DOT1L: variants seen among roughly 807,000 people sequenced by gnomAD.
DOT1L encodes the protein DOT1 like histone lysine methyltransferase, also known as histone-lysine N-methyltransferase, H3 lysine-79 specific.
DOT1L carries 33 observed loss-of-function variants against 153.3 expected under a neutral mutation model. That is an observed-to-expected ratio of 0.22 (90% CI 0.16 to 0.29). The LOEUF is 0.29. Ranked by LOEUF, DOT1L falls within the 10% of genes least tolerant of loss-of-function variation. The pLI, the probability that DOT1L is intolerant of heterozygous loss-of-function variation, is 1.00. For missense variants in DOT1L, 1,847 were observed against 2,119.9 expected, an observed-to-expected ratio of 0.87 and a Z score of 2.53; for synonymous variants, 1,135 against 965.1, an observed-to-expected ratio of 1.18 and a Z score of -3.26.
rs934922485 is a variant in DOT1L, at chr19:2,217,272, G to A, written c.2544+182G>A. ...CCAGTAAGGACAGGTCACAGGTGAC[G>A]TTGGGCAGGTGCCATGGAGGACATG... On this transcript the variant is annotated intron_variant, in intron 21 of 27. Transcript: ENST00000398665. This position sits in a 1 kb window ranked among gnomAD's most constrained non-coding sequence, Gnocchi z 7.3. 2.0e-5 allele frequency among the ~76,000 whole-genome samples: 3 copies of A among 152,204 alleles called. No homozygotes were observed. The highest frequency in any genetic ancestry group is 7.2e-5 in the African/African-American group (3 of 41,448).
intron 9 of DOT1L, among the ~76,000 whole-genome samples, chr19:2,206,076 C>G (rs1411118922): frequency 1.3e-5 from 2 of 151,844 alleles, no homozygotes; most frequent in Non-Finnish European, 2.9e-5. Flanking sequence ...GACTCACTTG[C>G]AGCTTCCACC....
intron 7 of DOT1L, among the ~76,000 whole-genome samples, chr19:2,196,388 A>G (rs967994856): frequency 6.6e-6 from 1 of 152,206 alleles, no homozygotes; most frequent in Non-Finnish European, 1.5e-5. Flanking sequence ...GCTGGAGGGC[A>G]GTGGCGCAAT....
rs375113331 is a variant in DOT1L at position 2,217,551 on chromosome 19, C to A, written c.2545-221C>A. Among the ~76,000 whole-genome samples, 53 of 152,194 alleles carry A rather than the reference C, an allele frequency of 3.5e-4. No homozygotes were observed. The Middle Eastern group carries it at 0.014, about 39-fold the overall frequency. ...AGCCGGGCGGGCAGGCTGGAGGGGA[C>A]AGATGGGCATTGCTTTCAGACACCA... On this transcript the variant is annotated intron_variant, in intron 21 of 27. Transcript: ENST00000398665. This position sits in a 1 kb window ranked among gnomAD's most constrained non-coding sequence, Gnocchi z 7.3.
chr19:2,222,935 G>A lies in DOT1L; in HGVS notation c.3391-346G>A, dbSNP rs962881743. 10 of 430,556 alleles carry A rather than the reference G, an allele frequency of 2.3e-5. No individual in the cohort carries two copies. The highest frequency in any genetic ancestry group is 4.1e-5 in the East Asian group (1 of 24,532). The allele number at this position is 430,556 out of a possible 1,614,324, so 26.7% of individuals were successfully genotyped here. A position where few individuals can be genotyped will look rare whatever the true frequency, so the allele number is the denominator to read the frequency against. On this transcript the variant is annotated intron_variant, in intron 24 of 27. Transcript: ENST00000398665. This position sits in a 1 kb window ranked among gnomAD's most constrained non-coding sequence, Gnocchi z 6.5. ...GAGGCAGGGGGCCATGACTGAGCCC[G>A]GCCATCCTCCACCACGTGCGGCCTG...
At chr19:2,167,488 G>A (rs1395074814) in intron 1 of DOT1L, among the ~76,000 whole-genome samples, 1 of 152,210 alleles carries the variant, frequency 6.6e-6, no homozygotes, top group African/African-American at 2.4e-5. Context: ...GTGGTGGGCG[G>A]GACTGTGCCG....
In DOT1L at chr19:2,217,054, GGCCTTGCA is replaced by G; in HGVS notation, c.2511_2518del (p.Leu838CysfsTer7). 1 of 1,611,010 alleles carries G rather than the reference GGCCTTGCA, an allele frequency of 6.2e-7. No individual in the cohort carries two copies. The highest frequency in any genetic ancestry group is 1.1e-5 in the South Asian group (1 of 91,010). On this transcript the variant is annotated frameshift_variant, in exon 21 of 28. Transcript: ENST00000398665. LOFTEE classifies it high-confidence loss of function. The surrounding 1 kb of genome is among the most constrained non-coding windows in gnomAD (Gnocchi z 7.3). ...AGGACCCGCGGCCCCTGTCCCCTGG[GGCCTTGCA>G]GCTTGCTGGAGAGAAGAGCAGTGAG...
In DOT1L at chr19:2,190,019, G is replaced by T. The variant is rs1262386568; in HGVS notation, c.264+224G>T. On this transcript the variant is annotated intron_variant, in intron 4 of 27. Transcript: ENST00000398665. The surrounding 1 kb of genome is among the most constrained non-coding windows in gnomAD (Gnocchi z 4.8). The stretch of plus-strand genomic sequence containing the variant: ...GCCAAAGCAGAGCCGTCCGTGGTTT[G>T]TGTGCTGAGGCAGGGCCCTGAGGGT... 1.3e-5 allele frequency among the ~76,000 whole-genome samples: 2 copies of T among 152,168 alleles called. No individual in the cohort carries two copies. Among genetic ancestry groups the T allele is most frequent in the South Asian group, 2.1e-4 (1 of 4,830 alleles).
intron 1 of DOT1L, among the ~76,000 whole-genome samples, chr19:2,166,247 C>G (rs1232011529): frequency 6.6e-6 from 1 of 151,248 alleles, no homozygotes; most frequent in East Asian, 1.9e-4. Context: ...CAGGCATGCG[C>G]CACCACACCC....
At position 2,232,202 on chromosome 19, in the gene DOT1L, G is replaced by C. The variant is rs2024630319; in HGVS notation, c.*2410G>C. ...GCGCCTGGGAGTGGCTCTTGCTCAG[G>C]AATTGATAGGAACCCTAAAAACTAG... On this transcript the variant is annotated 3_prime_UTR_variant, in exon 28 of 28. Coordinates refer to ENST00000398665, the MANE Select transcript of DOT1L (RefSeq NM_032482.3). 3 of 222,356 alleles carry C rather than the reference G, an allele frequency of 1.3e-5. No homozygotes were observed. Among genetic ancestry groups the C allele is most frequent in the Non-Finnish European group, 2.7e-5 (3 of 111,506 alleles). The allele number at this position is 222,356 out of a possible 1,614,324, so 13.8% of individuals were successfully genotyped here. A position where few individuals can be genotyped will look rare whatever the true frequency, so the allele number is the denominator to read the frequency against.
At chr19:2,187,921 CAG>C (rs1491246489) in intron 3 of DOT1L, among the ~76,000 whole-genome samples, 2 of 31,032 alleles carry the variant, frequency 6.4e-5, no homozygotes, top group Non-Finnish European at 1.3e-4. Flanking sequence ...GACTCCATCT[CAG>C]AAAAAAAAAA....
Position 2,226,458 on chromosome 19 carries a change from G to A in DOT1L, c.3937G>A (p.Ala1313Thr), listed in dbSNP as rs1168808555. 6 of 1,601,680 alleles carry A rather than the reference G, an allele frequency of 3.7e-6. No individual in the cohort carries two copies. The highest frequency in any genetic ancestry group is 5.1e-6 in the Non-Finnish European group (6 of 1,179,548). ...CGGACTCAGCCCGGGCACCAACCCT[G>A]CCAACGGCTGCACCTTCGGCGGGGG... ...ADGLSPGTNP[A>T]NGCTFGGGLA... The change falls in exon 27 of 28, where the codon GCC becomes ACC. Residue 1313 changes from alanine to threonine, a missense_variant. Transcript: ENST00000398665.
At position 2,197,750 on chromosome 19, in the gene DOT1L, C is replaced by T. The variant is rs989330894; in HGVS notation, c.652-2134C>T. 3.3e-5 allele frequency among the ~76,000 whole-genome samples: 5 copies of T among 152,136 alleles called. No homozygotes were observed. On this transcript the variant is annotated intron_variant, in intron 7 of 27. Transcript: ENST00000398665. The surrounding 1 kb of genome is among the most constrained non-coding windows in gnomAD (Gnocchi z 4.1). The stretch of plus-strand genomic sequence containing the variant: ...GGCATTCTTCGTGGCTTTGGCAACA[C>T]GTGTCAGAAAGAACCTGGTGGTGGG...
intron 8 of DOT1L, among the ~76,000 whole-genome samples, 192 bp downstream of exon 8, chr19:2,200,131 C>G (rs959747808): frequency 1.3e-5 from 2 of 152,094 alleles, no homozygotes; most frequent in African/African-American, 4.8e-5. Flanking sequence ...GCAGACGTGC[C>G]CAGCAGAGCC....
chr19:2,219,791 G>A (rs760866638), intron 22 of DOT1L, among the ~76,000 whole-genome samples: 9 of 152,152 alleles, frequency 5.9e-5, no homozygotes, highest in South Asian at 2.1e-4. Flanking sequence ...GCCGCTTCCC[G>A]GTGAGGGCGG....
intron 27 of DOT1L, chr19:2,229,114 G>A (rs997901797): frequency 2.7e-5 from 27 of 985,192 alleles, no homozygotes; most frequent in Admixed American, 2.5e-4. Flanking sequence ...TAGTGTAGAC[G>A]GTGCCCACCT....
At position 2,163,935 on chromosome 19, in the gene DOT1L, T is replaced by A. The variant is rs951020568; in HGVS notation, c.-250T>A. Reference sequence around the variant, plus strand: ...TGGTTCCGCCCGGCCCCCGGCTCATTGTGCTCGCTTCACGCCGGCCCAAGA... The same window carrying A: ...TGGTTCCGCCCGGCCCCCGGCTCATAGTGCTCGCTTCACGCCGGCCCAAGA... On this transcript the variant is annotated 5_prime_UTR_variant, in exon 1 of 28. Coordinates refer to ENST00000398665, the MANE Select transcript of DOT1L (RefSeq NM_032482.3). Among the ~76,000 whole-genome samples, 4 of 149,334 alleles carry A rather than the reference T, an allele frequency of 2.7e-5. No homozygotes were observed. The highest frequency in any genetic ancestry group is 6.0e-5 in the Non-Finnish European group (4 of 66,898).
intron 8 of DOT1L, among the ~76,000 whole-genome samples, chr19:2,202,433 A>T (rs2023330507): frequency 6.6e-6 from 1 of 152,228 alleles, no homozygotes. Flanking sequence ...GAACCTTCCC[A>T]GATCACTGGA....
Position 2,231,885 on chromosome 19 carries a change from G to C in DOT1L, c.*2093G>C. On this transcript the variant is annotated 3_prime_UTR_variant, in exon 28 of 28. Coordinates refer to ENST00000398665, the MANE Select transcript of DOT1L (RefSeq NM_032482.3). ...GCAGGCCACCGTATGTTCAGGACAC[G>C]CACTGGGTCTCAGAGCCACTGGCCC... 1 of 220,058 alleles carries C rather than the reference G, an allele frequency of 4.5e-6. No homozygotes were observed. Among genetic ancestry groups the C allele is most frequent in the East Asian group, 6.6e-5 (1 of 15,108 alleles). 13.6% of individuals were successfully genotyped at this position (220,058 alleles called of 1,614,324 possible).
intron 7 of DOT1L, among the ~76,000 whole-genome samples, chr19:2,199,371 G>A (rs961687397): frequency 3.3e-5 from 5 of 152,212 alleles, no homozygotes; most frequent in African/African-American, 7.2e-5. Context: ...GACAGAGCTC[G>A]GCGCTAGGCT....
Sources: gnomAD v4.1 joint callset for allele counts (sites outside exome capture counted in the v4.1 genomes callset) on GRCh38, gnomAD v4.1.1 for gene constraint, Gnocchi (gnomAD v3.1) non-coding constraint, MANE v1.5 for transcripts, NCBI Gene and HGNC (gene_info 2026-07-23, HGNC 2026-07-21) for gene names.